KCTD1: variants seen among roughly 807,000 people sequenced by gnomAD.
The protein encoded by KCTD1 is potassium channel tetramerization domain containing 1, also known as BTB/POZ domain-containing protein KCTD1.
KCTD1 carries 24 observed loss-of-function variants against 66.0 expected under a neutral mutation model. The ratio of observed to expected loss-of-function variants is 0.36; its 90% confidence interval spans 0.26 to 0.51. The LOEUF is 0.51. KCTD1 is among the 20% of genes least tolerant of loss of function. KCTD1 has a pLI of 0.95. For synonymous variants in KCTD1, 511 were observed against 517.2 expected (o/e 0.99, Z 0.16); for missense variants, 943 against 1,205.2 (o/e 0.78, Z 3.22).
chr18:26,656,204 A>AG (rs1988133551), intron 1 of KCTD1, among the ~76,000 whole-genome samples: 1 of 152,014 alleles, frequency 6.6e-6, no homozygotes, highest in African/African-American at 2.4e-5. Flanking sequence ...CCAGGAGGGG[A>AG]GGGAAGGATG....
intron 1 of KCTD1, among the ~76,000 whole-genome samples, chr18:26,516,613 T>C (rs1189992820): frequency 2.6e-5 from 4 of 152,242 alleles, no homozygotes; most frequent in Admixed American, 6.5e-5. Flanking sequence ...CAGGCATCAG[T>C]TGAAAGCCTG....
rs1985327914 is a variant in KCTD1 at position 26,547,865 on chromosome 18, G to C, written c.672C>G (p.Ser224Arg). ...EARSKSGQLY[S>R]KSSLISIRSS... ...TGCGGATGCTGATGAGCGACGACTT[G>C]CTGTAGAGCTGGCCGCTTTTGGAGC... Residue 224 changes from serine (S) to arginine (R), a missense_variant, in exon 1 of 5, where the codon AGC becomes AGG. Coordinates refer to ENST00000580059, the MANE Select transcript of KCTD1 (RefSeq NM_001142730.3). 1.9e-6 allele frequency: 3 copies of C among 1,542,424 alleles called. No individual in the cohort carries two copies. The highest frequency in any genetic ancestry group is 2.6e-6 in the Non-Finnish European group (3 of 1,146,842).
At chr18:26,657,292 G>C in intron 1 of KCTD1, 1 of 979,646 alleles carries the variant, frequency 1.0e-6, no homozygotes, top group Non-Finnish European at 1.2e-6. Context: ...GTAAAAGCGA[G>C]TTGCGCCCAA....
intron 3 of KCTD1, among the ~76,000 whole-genome samples, chr18:26,475,361 A>C (rs1981287085): frequency 1.3e-5 from 2 of 152,206 alleles, no homozygotes; most frequent in South Asian, 4.1e-4. Flanking sequence ...TGACATCTTA[A>C]CAATATTGAG....
chr18:26,505,989 C>T (rs1983013888), intron 1 of KCTD1, among the ~76,000 whole-genome samples: 1 of 151,960 alleles, frequency 6.6e-6, no homozygotes, highest in South Asian at 2.1e-4. Flanking sequence ...AATTTTCATG[C>T]CTCAGCCTCC....
chr18:26,593,316 G>A (rs1056560417), intron 1 of KCTD1, among the ~76,000 whole-genome samples: 2 of 151,218 alleles, frequency 1.3e-5, no homozygotes, highest in Admixed American at 6.6e-5. Flanking sequence ...GAAGGAAGAG[G>A]AGGAGGAAGA....
At chr18:26,584,869 C>A (rs1356134985) in intron 1 of KCTD1, among the ~76,000 whole-genome samples, 1 of 152,134 alleles carries the variant, frequency 6.6e-6, no homozygotes, top group Non-Finnish European at 1.5e-5. Context: ...GAAGGTGTTG[C>A]AGGCATGGAT....
intron 1 of KCTD1, among the ~76,000 whole-genome samples, chr18:26,510,178 AGTATTACATT>A (rs1983264931): frequency 6.6e-6 from 1 of 152,230 alleles, no homozygotes; most frequent in Non-Finnish European, 1.5e-5. Context: ...GATGTAACAC[AGTATTACATT>A]GTGGGGTGCA....
At chr18:26,557,229 T>C (rs114642720) in intron 1 of KCTD1, among the ~76,000 whole-genome samples, 406 of 152,332 alleles carry the variant, frequency 2.7e-3, no homozygotes, top group African/African-American at 9.6e-3. Context: ...TGAGGATGAA[T>C]TCCTCAAGCT....
At chr18:26,487,274 A>G (rs1304215634) in intron 2 of KCTD1, among the ~76,000 whole-genome samples, 1 of 152,266 alleles carries the variant, frequency 6.6e-6, no homozygotes, top group African/African-American at 2.4e-5. Context: ...GACAAAGTCA[A>G]AGGAAGGAGA....
chr18:26,616,815 G>C (rs74879943), intron 1 of KCTD1, among the ~76,000 whole-genome samples: 1 of 152,264 alleles, frequency 6.6e-6, no homozygotes, highest in African/African-American at 2.4e-5. Flanking sequence ...ATGGCATCCA[G>C]CCTAATCCAT....
intron 3 of KCTD1, among the ~76,000 whole-genome samples, chr18:26,474,381 T>C (rs1020947915): frequency 8.5e-5 from 13 of 152,232 alleles, no homozygotes; most frequent in African/African-American, 2.9e-4. Flanking sequence ...AGAGTATGTA[T>C]ATTTGAAACT....
intron 1 of KCTD1, among the ~76,000 whole-genome samples, chr18:26,610,873 T>C (rs1296575817): frequency 6.6e-6 from 1 of 152,226 alleles, no homozygotes; most frequent in Non-Finnish European, 1.5e-5. Flanking sequence ...TCTCTGGCTC[T>C]TTTAAGATTT....
At chr18:26,572,140 AC>A (rs1279815111) in intron 1 of KCTD1, among the ~76,000 whole-genome samples, 6 of 151,742 alleles carry the variant, frequency 4.0e-5, no homozygotes, top group Non-Finnish European at 8.8e-5. Flanking sequence ...GTTCACTGCA[AC>A]CTCTGCCTCC....
At chr18:26,559,385 T>C (rs932477958) in intron 1 of KCTD1, among the ~76,000 whole-genome samples, 1 of 152,184 alleles carries the variant, frequency 6.6e-6, no homozygotes, top group African/African-American at 2.4e-5. Context: ...ACACCTACTA[T>C]GTACCCACAA....
chr18:26,486,099 AC>A (rs1189435027), intron 2 of KCTD1, among the ~76,000 whole-genome samples: 1 of 152,110 alleles, frequency 6.6e-6, no homozygotes, highest in East Asian at 1.9e-4. Flanking sequence ...TTTAATAGAG[AC>A]GGGGTTTCAC....
chr18:26,633,629 A>G (rs1987665832), upstream of KCTD1, among the ~76,000 whole-genome samples: 3 of 152,236 alleles, frequency 2.0e-5, no homozygotes, highest in African/African-American at 7.2e-5. Context: ...ACTGCAAAGA[A>G]TGTACTTATA....
chr18:26,553,978 G>A (rs1299078337), intron 1 of KCTD1, among the ~76,000 whole-genome samples: 1 of 147,564 alleles, frequency 6.8e-6, no homozygotes, highest in Admixed American at 6.8e-5. Flanking sequence ...GAGAGACAGA[G>A]AGAAAGAAAA....
chr18:26,650,691 A>G (rs1988014363), intron 1 of KCTD1, among the ~76,000 whole-genome samples: 1 of 152,182 alleles, frequency 6.6e-6, no homozygotes, highest in African/African-American at 2.4e-5. Flanking sequence ...AGTACCATGG[A>G]CCAATGTAGC....
Sources: gnomAD v4.1 joint callset for allele counts (sites outside exome capture counted in the v4.1 genomes callset) on GRCh38, gnomAD v4.1.1 for gene constraint, MANE v1.5 for transcripts, NCBI Gene and HGNC (gene_info 2026-07-23, HGNC 2026-07-21) for gene names.